The following CLOCK variants were observed in gnomAD, a reference collection of about 807,000 sequenced individuals.
The protein encoded by CLOCK is clock circadian regulator.
CLOCK carries 43 observed loss-of-function variants against 118.4 expected under a neutral mutation model. The observed-to-expected ratio is 0.36, with a 90% CI of 0.28 to 0.47. The LOEUF (loss-of-function observed/expected upper bound fraction) is 0.47. CLOCK is among the 20% of genes least tolerant of loss of function. The pLI, the probability that CLOCK is intolerant of heterozygous loss-of-function variation, is 1.00. For synonymous variants in CLOCK, 326 were observed against 339.2 expected (o/e 0.96, Z 0.43); for missense variants, 846 against 999.9 (o/e 0.85, Z 2.08).
In CLOCK at chr4:55,463,823, A is replaced by C. The variant is rs755804714; in HGVS notation, c.439-18T>G. On this transcript the variant is annotated intron_variant, in intron 8 of 22. Transcript: ENST00000513440. ...AGATCAGACTGAAAAGAAAATTGTT[A>C]AAAGTAAAATAACTTCAATGATTCA... The C allele has an allele frequency of 2.5e-6, 4 of 1,599,724 alleles. 1 individual carries two copies. In the South Asian group the frequency reaches 4.4e-5, roughly 18 times the overall value.
At chr4:55,522,430 G>A (rs534940097) in intron 1 of CLOCK, among the ~76,000 whole-genome samples, 11 of 150,710 alleles carry the variant, frequency 7.3e-5, no homozygotes, top group African/African-American at 1.9e-4. Flanking sequence ...TCCAAAGTTC[G>A]TAACAAGATA....
rs545719025 is a variant in CLOCK at position 55,480,855 on chromosome 4, C to A, written c.48-1156G>T. 2.7e-5 allele frequency among the ~76,000 whole-genome samples: 4 copies of A among 150,462 alleles called. No individual in the cohort carries two copies. In the South Asian group the frequency reaches 6.3e-4, roughly 24 times the overall value. On this transcript the variant is annotated intron_variant, in intron 4 of 22. Transcript: ENST00000513440. ...GCAGTGAGCCGAGATCGTACCACTG[C>A]ACTCCAGCCTGGCCAACAGAGTGAG... is the stretch of plus-strand genomic sequence containing the variant.
In CLOCK at chr4:55,463,782, T is replaced by C; in HGVS notation, c.462A>G (p.Ile154Met). Residue 154 changes from isoleucine (I) to methionine (M), a missense_variant, in exon 9 of 23, where the codon ATA becomes ATG. By Grantham distance (10) the Ile-to-Met change is conservative. Transcript: ENST00000513440. ...GTTCCCCTTCTGGGATAAAATTAAA[T>C]ATACTTTGATCCACAAGATCAGACT... is the stretch of plus-strand genomic sequence containing the variant. Reference protein sequence around the residue: ...HLPSDLVDQSIFNFIPEGEHS... With the variant: ...HLPSDLVDQSMFNFIPEGEHS... 6.2e-7 allele frequency: 1 copy of C among 1,611,202 alleles called. No homozygotes were observed. Among genetic ancestry groups the C allele is most frequent in the Non-Finnish European group, 8.5e-7 (1 of 1,178,044 alleles).
At chr4:55,467,943 T>G (rs1396524677) in intron 8 of CLOCK, among the ~76,000 whole-genome samples, 1 of 152,192 alleles carries the variant, frequency 6.6e-6, no homozygotes, top group Non-Finnish European at 1.5e-5. Flanking sequence ...ACTGCATGGC[T>G]TTCAACTTTA....
intron 8 of CLOCK, among the ~76,000 whole-genome samples, chr4:55,466,440 T>C (rs533844260): frequency 6.6e-6 from 1 of 152,286 alleles, no homozygotes; most frequent in Admixed American, 6.5e-5. Flanking sequence ...TAATACATCA[T>C]CTTAATAGAA....
At chr4:55,531,932 C>G (rs1218769813) in intron 1 of CLOCK, among the ~76,000 whole-genome samples, 1 of 150,098 alleles carries the variant, frequency 6.7e-6, no homozygotes, top group East Asian at 2.0e-4. Context: ...CAAAAAAAAC[C>G]CCAGCAAACC....
chr4:55,525,509 A>AT (rs1402057345), intron 1 of CLOCK, among the ~76,000 whole-genome samples: 14 of 149,884 alleles, frequency 9.3e-5, no homozygotes, highest in East Asian at 5.9e-4. Context: ...AATAATAAAC[A>AT]TTTTTTTTTT....
intron 1 of CLOCK, among the ~76,000 whole-genome samples, chr4:55,517,450 C>T (rs1235369264): frequency 6.6e-6 from 1 of 152,176 alleles, no homozygotes; most frequent in Non-Finnish European, 1.5e-5. Flanking sequence ...GCAGAGGTTG[C>T]AGTGAGCCGA....
chr4:55,466,539 C>T (rs1725750688), intron 8 of CLOCK, among the ~76,000 whole-genome samples: 1 of 152,170 alleles, frequency 6.6e-6, no homozygotes, highest in Non-Finnish European at 1.5e-5. Flanking sequence ...TTGTTACTAA[C>T]AATTTCTTCT....
intron 2 of CLOCK, chr4:55,501,820 C>G (rs560801019): frequency 6.6e-6 from 1 of 152,254 alleles, no homozygotes; most frequent in African/African-American, 2.4e-5. Context: ...TAATTATCAA[C>G]TCATGGCTAA....
chr4:55,532,026 AAATC>A (rs1158412667), intron 1 of CLOCK, among the ~76,000 whole-genome samples: 1 of 152,184 alleles, frequency 6.6e-6, no homozygotes, highest in African/African-American at 2.4e-5. Flanking sequence ...CACAATACAA[AAATC>A]AATTAGGGTA....
chr4:55,524,461 TGACTA>T (rs1249781127), intron 1 of CLOCK, among the ~76,000 whole-genome samples: 5 of 148,114 alleles, frequency 3.4e-5, no homozygotes, highest in African/African-American at 8.0e-5. Context: ...ATTAAATGAC[TGACTA>T]GACAAGAATA....
In CLOCK at chr4:55,428,973, CTTTTTTTTT is replaced by C. The variant is rs35261810; in HGVS notation, c.*6433_*6441del. The C allele has an allele frequency of 2.2e-4, 28 of 125,730 alleles. No homozygotes were observed. Among genetic ancestry groups the C allele is most frequent in the Admixed American group, 9.0e-4 (11 of 12,178 alleles). 7.8% of individuals were successfully genotyped at this position (125,730 alleles called of 1,614,324 possible). On this transcript the variant is annotated 3_prime_UTR_variant, in exon 23 of 23. Coordinates refer to ENST00000513440, the MANE Select transcript of CLOCK (RefSeq NM_004898.4). ...ATGGTAACTGTTCTGGCTGACACAT[CTTTTTTTTT>C]TTTTTTTTTTTTAAAAAGACATTTC...
At chr4:55,523,248 G>A (rs1035861954) in intron 1 of CLOCK, among the ~76,000 whole-genome samples, 17 of 152,018 alleles carry the variant, frequency 1.1e-4, no homozygotes, top group Non-Finnish European at 1.9e-4. Flanking sequence ...TGCAGTGAGC[G>A]AGATGGCACC....
chr4:55,534,542 C>A (rs769407321), intron 1 of CLOCK, among the ~76,000 whole-genome samples: 4 of 152,150 alleles, frequency 2.6e-5, no homozygotes, highest in Non-Finnish European at 5.9e-5. Context: ...AGACTCTAAT[C>A]CCCTACACCT....
intron 1 of CLOCK, among the ~76,000 whole-genome samples, chr4:55,537,207 G>C (rs1730960575): frequency 6.6e-6 from 1 of 152,160 alleles, no homozygotes; most frequent in African/African-American, 2.4e-5. Flanking sequence ...AAACGGCCAG[G>C]AGTGGAGGCT....
chr4:55,495,398 C>T (rs1448858563), intron 2 of CLOCK, among the ~76,000 whole-genome samples: 2 of 152,168 alleles, frequency 1.3e-5, no homozygotes, highest in Admixed American at 6.5e-5. Context: ...ACAATGGCTT[C>T]TCTCTCATGT....
Position 55,493,138 on chromosome 4 carries a change from AATAAG to A in CLOCK, c.-135-3678_-135-3674del, listed in dbSNP as rs539388371. Among the ~76,000 whole-genome samples, 48 of 152,274 alleles carry A rather than the reference AATAAG, an allele frequency of 3.2e-4. 1 individual carries two copies. The South Asian group carries it at 9.8e-3, about 31-fold the overall frequency. ...AGGCCTAGCTATACATGAGGAGGCA[AATAAG>A]ATAAAACACAACCTGTTATCTATTC... On this transcript the variant is annotated intron_variant, in intron 2 of 22. Transcript: ENST00000513440.
intron 3 of CLOCK, among the ~76,000 whole-genome samples, chr4:55,483,160 C>G (rs1009089437): frequency 3.3e-5 from 5 of 152,128 alleles, no homozygotes; most frequent in African/African-American, 1.2e-4. Flanking sequence ...ATCTATTCAG[C>G]AATAAATATT....
Sources: gnomAD v4.1 joint callset for allele counts (sites outside exome capture counted in the v4.1 genomes callset) on GRCh38, gnomAD v4.1.1 for gene constraint, MANE v1.5 for transcripts, NCBI Gene and HGNC (gene_info 2026-07-23, HGNC 2026-07-21) for gene names.